The following TRPS1 variants were observed in gnomAD, a reference collection of about 807,000 sequenced individuals.
TRPS1 encodes the protein zinc finger transcription factor Trps1.
A neutral mutation model predicts 101.2 loss-of-function variants in TRPS1; 6 were observed. The observed-to-expected ratio is 0.06, with a 90% confidence interval of 0.03 to 0.12. The LOEUF (loss-of-function observed/expected upper bound fraction) is 0.12. Ranked by LOEUF, TRPS1 falls within the 10% of genes least tolerant of loss-of-function variation. The probability of loss-of-function intolerance (pLI) is 1.00; values close to 1 mark genes in which losing one functional copy is unlikely to be tolerated. For missense variants in TRPS1, 1,363 were observed against 1,567.0 expected (o/e 0.87, Z 2.20); for synonymous variants, 578 against 589.8 (o/e 0.98, Z 0.29).
intron 1 of TRPS1, among the ~76,000 whole-genome samples, chr8:115,661,893 T>C (rs1203894274): frequency 6.6e-6 from 1 of 151,938 alleles, no homozygotes; most frequent in Non-Finnish European, 1.5e-5. Context: ...TAAACTTTAT[T>C]GCTTTTCCTC....
At chr8:115,447,222 C>A (rs758160296) in intron 5 of TRPS1, among the ~76,000 whole-genome samples, 6 of 152,142 alleles carry the variant, frequency 3.9e-5, no homozygotes, top group African/African-American at 7.2e-5. Context: ...ACTGACTATA[C>A]CTTTGCCCTA....
At chr8:115,624,610 CTTAA>C (rs1209091787) in intron 1 of TRPS1, among the ~76,000 whole-genome samples, 3 of 152,020 alleles carry the variant, frequency 2.0e-5, no homozygotes, top group Middle Eastern at 6.8e-3. Flanking sequence ...AATTTCTACT[CTTAA>C]TTAACCGTAT....
intron 5 of TRPS1, among the ~76,000 whole-genome samples, chr8:115,444,825 A>G (rs749752219): frequency 5.3e-5 from 8 of 152,112 alleles, no homozygotes; most frequent in African/African-American, 1.4e-4. Context: ...ACCATATCCA[A>G]TTAGTCACCA....
In TRPS1 at chr8:115,437,839, T is replaced by G. The variant is rs535657002; in HGVS notation, c.2701-19387A>C. Among the ~76,000 whole-genome samples, 24 of 152,276 alleles carry G rather than the reference T, an allele frequency of 1.6e-4. No homozygotes were observed. The South Asian group carries it at 4.8e-3, about 30-fold the overall frequency. On this transcript the variant is annotated intron_variant, in intron 5 of 6. Transcript: ENST00000395715. Reference sequence around the variant, plus strand: ...GGAGTTGGTGTACTCCTGTTTTGGTTTGTCTGGGATACAGGTCGGAGTCAT... The same window carrying G: ...GGAGTTGGTGTACTCCTGTTTTGGTGTGTCTGGGATACAGGTCGGAGTCAT...
intron 4 of TRPS1, among the ~76,000 whole-genome samples, chr8:115,588,503 C>G (rs1482268140): frequency 6.6e-6 from 1 of 152,130 alleles, no homozygotes; most frequent in Non-Finnish European, 1.5e-5. Flanking sequence ...ATTTTATTAT[C>G]AAATTCCCTA....
At position 115,604,359 on chromosome 8, in the gene TRPS1, T is replaced by C. The variant is rs1817981193; in HGVS notation, c.1610A>G (p.Asn537Ser). 1.2e-6 allele frequency: 2 copies of C among 1,613,984 alleles called. No individual in the cohort carries two copies. The highest frequency in any genetic ancestry group is 1.7e-5 in the Admixed American group (1 of 60,008). Residue 537 changes from asparagine (N) to serine (S), a missense_variant, in exon 4 of 7, where the codon AAT becomes AGT. This residue lies in a region of TRPS1 where 1,020 missense variants were observed against 1,073.0 expected (regional missense o/e 0.95). Transcript: ENST00000395715. The surrounding 1 kb of genome is among the most constrained non-coding windows in gnomAD (Gnocchi z 4.1). ...ATATCGGAAGTCACAGAACTGACAA[T>C]TATAGCTCGTTACCATATTATCCTC... is the stretch of plus-strand genomic sequence containing the variant. The part of the protein sequence containing the change: ...GAEDNMVTSY[N>S]CQFCDFRYSK...
At chr8:115,488,799 G>GA (rs1814951172) in intron 5 of TRPS1, among the ~76,000 whole-genome samples, 1 of 152,092 alleles carries the variant, frequency 6.6e-6, no homozygotes, top group Admixed American at 6.6e-5. Flanking sequence ...CTAAAAGGCA[G>GA]AAAACAGATA....
chr8:115,566,744 G>A (rs1346128849), intron 5 of TRPS1, among the ~76,000 whole-genome samples: 1 of 152,044 alleles, frequency 6.6e-6, no homozygotes, highest in Non-Finnish European at 1.5e-5. Flanking sequence ...CTAATAAATT[G>A]GGATAATCAC....
At chr8:115,486,302 G>A (rs1814878412) in intron 5 of TRPS1, among the ~76,000 whole-genome samples, 1 of 152,150 alleles carries the variant, frequency 6.6e-6, no homozygotes, top group African/African-American at 2.4e-5. Context: ...CGTGTGTTCT[G>A]ACTGCTCCAC....
At chr8:115,491,830 T>C (rs756031750) in intron 5 of TRPS1, among the ~76,000 whole-genome samples, 6 of 152,136 alleles carry the variant, frequency 3.9e-5, no homozygotes, top group African/African-American at 7.2e-5. Context: ...GATAATAAGT[T>C]AACCAAACCA....
chr8:115,437,016 C>G (rs1485266177), intron 5 of TRPS1, among the ~76,000 whole-genome samples: 1 of 151,938 alleles, frequency 6.6e-6, no homozygotes, highest in African/African-American at 2.4e-5. Flanking sequence ...AAAGAGGAGT[C>G]TTTTATAAGT....
chr8:115,418,491 AC>A lies in TRPS1; in HGVS notation c.2701-40del. 1 of 1,613,958 alleles carries A rather than the reference AC, an allele frequency of 6.2e-7. No homozygotes were observed. The highest frequency in any genetic ancestry group is 8.5e-7 in the Non-Finnish European group (1 of 1,179,888). On this transcript the variant is annotated intron_variant, in intron 5 of 6. Transcript: ENST00000395715. The surrounding 1 kb of genome is among the most constrained non-coding windows in gnomAD (Gnocchi z 4.3). ...AAAAAACCAAGGTCAGAGGTGAGTCACATGATCAGTGGAGTTAGACCAAATC... is the reference window on the plus strand; with the variant it reads ...AAAAAACCAAGGTCAGAGGTGAGTCAATGATCAGTGGAGTTAGACCAAATC...
chr8:115,613,517 T>C (rs1025072678), intron 3 of TRPS1, among the ~76,000 whole-genome samples: 13 of 152,210 alleles, frequency 8.5e-5, no homozygotes, highest in Non-Finnish European at 1.6e-4. Flanking sequence ...CTCAGACTCA[T>C]GTTTGGCCAG....
At chr8:115,515,168 C>A in intron 5 of TRPS1, 1 of 684,018 alleles carries the variant, frequency 1.5e-6, no homozygotes, top group Admixed American at 2.1e-5. Context: ...TGTCCAAATT[C>A]TTTTCGTTAC....
chr8:115,478,739 G>A (rs184164813), intron 5 of TRPS1, among the ~76,000 whole-genome samples: 1 of 151,568 alleles, frequency 6.6e-6, no homozygotes, highest in East Asian at 1.9e-4. Context: ...GGGAGGAGAA[G>A]CCTGCAGTGA....
Position 115,619,256 on chromosome 8 carries a change from T to C in TRPS1, c.842A>G (p.His281Arg). The change falls in exon 3 of 7, where the codon CAT becomes CGT. Residue 281 changes from histidine to arginine, a missense_variant. His to Arg is a conservative substitution (Grantham distance 29). Transcript: ENST00000395715. The part of the protein sequence containing the change: ...AELDSKILAL[H>R]NMVQFSHSKD... ...GGAATGGCTGAACTGCACCATGTTA[T>C]GAAGGGCCAAGATTTTGCTGTCCAG... 6.2e-7 allele frequency: 1 copy of C among 1,613,972 alleles called. No individual in the cohort carries two copies. Among genetic ancestry groups the C allele is most frequent in the Non-Finnish European group, 8.5e-7 (1 of 1,179,838 alleles).
intron 1 of TRPS1, among the ~76,000 whole-genome samples, chr8:115,659,572 A>G (rs1195399993): frequency 6.6e-6 from 1 of 152,084 alleles, no homozygotes; most frequent in East Asian, 1.9e-4. Context: ...AAATTAATAT[A>G]TATATGACCT....
At chr8:115,462,028 C>G (rs1462177314) in intron 5 of TRPS1, among the ~76,000 whole-genome samples, 1 of 152,162 alleles carries the variant, frequency 6.6e-6, no homozygotes, top group African/African-American at 2.4e-5. Context: ...TACTTTCCAA[C>G]AGGTAGCTAC....
chr8:115,514,182 A>G (rs978858041), intron 5 of TRPS1, among the ~76,000 whole-genome samples: 2 of 151,776 alleles, frequency 1.3e-5, no homozygotes, highest in Non-Finnish European at 2.9e-5. Flanking sequence ...TGTTTGATTT[A>G]TAAGAACATT....
Sources: gnomAD v4.1 joint callset for allele counts (sites outside exome capture counted in the v4.1 genomes callset) on GRCh38, gnomAD v4.1.1 for gene constraint, gnomAD v4.1.1 regional missense constraint, Gnocchi (gnomAD v3.1) non-coding constraint, MANE v1.5 for transcripts, NCBI Gene and HGNC (gene_info 2026-07-23, HGNC 2026-07-21) for gene names.